Variants in BACH2 observed in about 807,000 individuals in gnomAD.
BACH2 encodes transcription regulator protein BACH2.
A neutral mutation model predicts 61.8 loss-of-function variants in BACH2; 5 were observed. The ratio of observed to expected loss-of-function variants is 0.08; its 90% confidence interval spans 0.04 to 0.17. BACH2 has a LOEUF of 0.17. Among genes scored for constraint, BACH2 ranks in the 10% least tolerant of loss-of-function variants. The pLI, the probability that BACH2 is intolerant of heterozygous loss-of-function variation, is 1.00. For synonymous variants in BACH2, 446 were observed against 440.1 expected, an observed-to-expected ratio of 1.01 and a Z score of -0.17; for missense variants, 824 against 1,091.1, an observed-to-expected ratio of 0.76 and a Z score of 3.45.
chr6:90,090,728 T>C (rs1324836559), intron 4 of BACH2, among the ~76,000 whole-genome samples: 2 of 152,092 alleles, frequency 1.3e-5, no homozygotes, highest in African/African-American at 4.8e-5. Context: ...TGGAAAAGCA[T>C]GTGAGAGAAT....
At chr6:90,082,696 T>C (rs1379302786) in intron 5 of BACH2, among the ~76,000 whole-genome samples, 1 of 152,220 alleles carries the variant, frequency 6.6e-6, no homozygotes, top group East Asian at 1.9e-4. Context: ...TGCTATTTTA[T>C]AAATTATGTA....
chr6:90,153,917 T>C (rs1411122946), intron 4 of BACH2, among the ~76,000 whole-genome samples: 1 of 152,224 alleles, frequency 6.6e-6, no homozygotes, highest in African/African-American at 2.4e-5. Context: ...ACTGCTTTTG[T>C]GTTAGGATTC....
chr6:90,014,017 C>T (rs1186527832), intron 5 of BACH2, among the ~76,000 whole-genome samples: 1 of 151,962 alleles, frequency 6.6e-6, no homozygotes, highest in East Asian at 1.9e-4. Flanking sequence ...TTCCTGGCCT[C>T]AAGCAATCCT....
intron 5 of BACH2, among the ~76,000 whole-genome samples, chr6:90,059,110 C>T (rs1244879356): frequency 2.0e-5 from 3 of 152,188 alleles, no homozygotes; most frequent in Non-Finnish European, 2.9e-5. Flanking sequence ...CAACAAAAGA[C>T]AAAATTGACA....
intron 4 of BACH2, among the ~76,000 whole-genome samples, chr6:90,178,031 A>G (rs1400897273): frequency 6.6e-6 from 1 of 152,202 alleles, no homozygotes; most frequent in Non-Finnish European, 1.5e-5. Context: ...GTAGACCAAA[A>G]TAGCAGGGAA....
intron 5 of BACH2, among the ~76,000 whole-genome samples, chr6:90,032,076 G>C (rs1449834701): frequency 1.3e-5 from 2 of 152,050 alleles, no homozygotes; most frequent in African/African-American, 4.8e-5. Flanking sequence ...TCTGATCTTT[G>C]ACAAACCTGA....
At chr6:89,983,966 C>T (rs1255793217) in intron 6 of BACH2, among the ~76,000 whole-genome samples, 1 of 152,210 alleles carries the variant, frequency 6.6e-6, no homozygotes, top group Non-Finnish European at 1.5e-5. Flanking sequence ...GCTGTTGTCT[C>T]TTTCTTCCCC....
rs181141050 is a variant in BACH2, at chr6:89,996,302, G to C, written c.243+12300C>G. 3.7e-4 allele frequency among the ~76,000 whole-genome samples: 56 copies of C among 152,330 alleles called. 1 individual carries two copies. The highest frequency in any genetic ancestry group is 1.2e-3 in the African/African-American group (48 of 41,574). On this transcript the variant is annotated intron_variant, in intron 6 of 8. Coordinates refer to ENST00000257749, the MANE Select transcript of BACH2 (RefSeq NM_021813.4). The stretch of plus-strand genomic sequence containing the variant: ...TCCTCACCTATGCTAGGCTCAGGCT[G>C]TGTCTCCTGACTGTGCTCTCTGTCT...
At position 89,928,794 on chromosome 6, in the gene BACH2, T is replaced by A. The variant is rs184115252; in HGVS notation, c.*3614A>T. 122 of 152,540 alleles carry A rather than the reference T, an allele frequency of 8.0e-4. 1 individual carries two copies. The highest frequency in any genetic ancestry group is 2.9e-3 in the African/African-American group (122 of 41,462). 9.4% of individuals were successfully genotyped at this position (152,540 alleles called of 1,614,324 possible). A position where few individuals can be genotyped will look rare whatever the true frequency, so the allele number is the denominator to read the frequency against. On this transcript the variant is annotated 3_prime_UTR_variant, in exon 9 of 9. Transcript: ENST00000257749. ...CAGAGTCAGGTTTTCCACTGCAGCATCATCTCTGATGCCTGAGTCATTGCT... is the reference window on the plus strand; with the variant it reads ...CAGAGTCAGGTTTTCCACTGCAGCAACATCTCTGATGCCTGAGTCATTGCT...
chr6:90,157,703 T>C (rs1252363836), intron 4 of BACH2, among the ~76,000 whole-genome samples: 1 of 152,166 alleles, frequency 6.6e-6, no homozygotes. Context: ...CCCGAGCAGA[T>C]GGCCGCTTAG....
At chr6:90,239,771 A>G (rs1179129043) in intron 3 of BACH2, among the ~76,000 whole-genome samples, 4 of 147,630 alleles carry the variant, frequency 2.7e-5, no homozygotes, top group Non-Finnish European at 1.5e-5. Context: ...ACTGACATGC[A>G]TGATCTCCAT....
At chr6:90,149,233 T>C (rs1784727866) in intron 4 of BACH2, among the ~76,000 whole-genome samples, 1 of 152,126 alleles carries the variant, frequency 6.6e-6, no homozygotes, top group Non-Finnish European at 1.5e-5. Flanking sequence ...AAGGGGCAAG[T>C]AACCTACATT....
intron 7 of BACH2, among the ~76,000 whole-genome samples, chr6:89,940,043 G>A (rs1773326535): frequency 1.3e-5 from 2 of 151,202 alleles, no homozygotes; most frequent in African/African-American, 4.9e-5. Context: ...TGGAGTCTCG[G>A]TCTGTCACCC....
At chr6:90,024,100 C>G (rs1389688134) in intron 5 of BACH2, among the ~76,000 whole-genome samples, 1 of 152,030 alleles carries the variant, frequency 6.6e-6, no homozygotes, top group African/African-American at 2.4e-5. Flanking sequence ...CATATTCCCA[C>G]TTTAAGTTAT....
chr6:89,954,646 TG>T (rs1360506945), intron 6 of BACH2, among the ~76,000 whole-genome samples: 1 of 151,616 alleles, frequency 6.6e-6, no homozygotes, highest in Non-Finnish European at 1.5e-5. Context: ...GAAGCAGTAC[TG>T]GGAGTCACCC....
At chr6:90,052,790 C>T (rs763371986) in intron 5 of BACH2, among the ~76,000 whole-genome samples, 2 of 152,154 alleles carry the variant, frequency 1.3e-5, no homozygotes, top group Non-Finnish European at 2.9e-5. Context: ...TGCTCGAATA[C>T]GAATTGTTAA....
At chr6:90,154,623 G>A (rs1225906077) in intron 4 of BACH2, among the ~76,000 whole-genome samples, 12 of 152,242 alleles carry the variant, frequency 7.9e-5, no homozygotes, top group South Asian at 4.1e-4. Context: ...CTCTCTAAGC[G>A]CCCCAGCCTT....
chr6:90,269,995 T>A (rs1168123615), intron 2 of BACH2, among the ~76,000 whole-genome samples: 1 of 152,324 alleles, frequency 6.6e-6, no homozygotes, highest in African/African-American at 2.4e-5. Flanking sequence ...GGTTTTCCAT[T>A]CCTGAGTTAC....
chr6:89,972,160 C>T (rs574136082), intron 6 of BACH2, among the ~76,000 whole-genome samples: 7 of 152,138 alleles, frequency 4.6e-5, no homozygotes, highest in African/African-American at 9.7e-5. Context: ...AGCAAGGGGA[C>T]GGGCTGGGAA....
Sources: gnomAD v4.1 joint callset for allele counts (sites outside exome capture counted in the v4.1 genomes callset) on GRCh38, gnomAD v4.1.1 for gene constraint, MANE v1.5 for transcripts, NCBI Gene and HGNC (gene_info 2026-07-23, HGNC 2026-07-21) for gene names.